Variants in XDH observed in about 807,000 individuals in gnomAD.
XDH encodes xanthine dehydrogenase.
In XDH, 138 loss-of-function variants were observed where a neutral mutation model predicts 156.1. That is an observed-to-expected ratio of 0.88 (90% CI 0.77 to 1.02). The LOEUF (loss-of-function observed/expected upper bound fraction) is 1.02, where lower values mean the gene tolerates loss of function less well. XDH is among the 50% of genes least tolerant of loss of function. The probability of loss-of-function intolerance (pLI) is 0.00; values close to 1 mark genes in which losing one functional copy is unlikely to be tolerated. For missense variants in XDH, 1,849 were observed against 1,684.9 expected (o/e 1.10, Z -1.71); for synonymous variants, 669 against 625.7 (o/e 1.07, Z -1.03).
At chr2:31,356,473 G>A (rs1032709622) in intron 24 of XDH, among the ~76,000 whole-genome samples, 3 of 152,210 alleles carry the variant, frequency 2.0e-5, no homozygotes, top group South Asian at 2.1e-4. Flanking sequence ...TAAGAGAGAA[G>A]TATGTCTAGG....
rs746203843 is a variant in XDH at position 31,336,039 on chromosome 2, A to C, written c.3952-31T>G. ...AAGGAATGATAGTGTTCTCATTGCC[A>C]GGGTCTGCTGATCATGCTCCTCCCA... On this transcript the variant is annotated intron_variant, in intron 35 of 35. Coordinates refer to ENST00000379416, the MANE Select transcript of XDH (RefSeq NM_000379.4). 2.5e-6 allele frequency: 4 copies of C among 1,612,808 alleles called. No homozygotes were observed. In the Admixed American group the frequency reaches 6.7e-5, roughly 27 times the overall value.
In XDH at chr2:31,372,299, G is replaced by T; in HGVS notation, c.1785C>A (p.Asp595Glu). 6.2e-7 allele frequency: 1 copy of T among 1,614,232 alleles called. No homozygotes were observed. Among genetic ancestry groups the T allele is most frequent in the Non-Finnish European group, 8.5e-7 (1 of 1,180,044 alleles). Residue 595 changes from aspartate to glutamate, a missense_variant, in exon 17 of 36, where the codon GAC (aspartate) becomes GAA (glutamate). Transcript: ENST00000379416. Reference sequence around the variant, plus strand: ...GCTCATTCTCGTAGCGAGGAATGTCGTCACAGTACACGGCCTCACCAGAGG... The same window carrying T: ...GCTCATTCTCGTAGCGAGGAATGTCTTCACAGTACACGGCCTCACCAGAGG... The part of the protein sequence containing the change: ...MQASGEAVYC[D>E]DIPRYENELS...
At chr2:31,387,695 G>T in intron 8 of XDH, 116 bp downstream of exon 8, 1 of 1,012,046 alleles carries the variant, frequency 9.9e-7, no homozygotes, top group Non-Finnish European at 1.5e-6. Flanking sequence ...GGAAATTTAA[G>T]CTGAAACATA....
At chr2:31,407,016 C>T (rs1687208338) in intron 1 of XDH, among the ~76,000 whole-genome samples, 1 of 152,196 alleles carries the variant, frequency 6.6e-6, no homozygotes, top group African/African-American at 2.4e-5. Context: ...GATTTCAGTA[C>T]TCTTCACACA....
chr2:31,369,537 A>G (rs1366817), intron 18 of XDH, among the ~76,000 whole-genome samples: 60,964 of 151,898 alleles, frequency 0.4, 12,380 homozygotes, highest in East Asian at 0.57. Flanking sequence ...ATTATCTCTT[A>G]TGGCCCAAAT....
At chr2:31,392,865 C>T (rs1271313390) in intron 6 of XDH, among the ~76,000 whole-genome samples, 1 of 152,072 alleles carries the variant, frequency 6.6e-6, no homozygotes, top group Non-Finnish European at 1.5e-5. Context: ...TAAAATTTCC[C>T]TTGAGATTTT....
intron 1 of XDH, among the ~76,000 whole-genome samples, chr2:31,410,078 C>A (rs1400154669): frequency 6.6e-6 from 1 of 152,136 alleles, no homozygotes; most frequent in Non-Finnish European, 1.5e-5. Context: ...GAATTTTTGA[C>A]ATATGCTACA....
At chr2:31,349,520 C>T (rs1278789128) in intron 26 of XDH, among the ~76,000 whole-genome samples, 166 bp downstream of exon 26, 1 of 152,144 alleles carries the variant, frequency 6.6e-6, no homozygotes, top group Admixed American at 6.5e-5. Flanking sequence ...CTGCCCCGGG[C>T]TGAAGATCAT....
intron 31 of XDH, among the ~76,000 whole-genome samples, chr2:31,343,943 G>A (rs1385628322): frequency 6.6e-6 from 1 of 151,412 alleles, no homozygotes; most frequent in African/African-American, 2.4e-5. Context: ...ATATTTTAAA[G>A]AAACATTGAA....
chr2:31,388,283 A>G lies in XDH; in HGVS notation c.508T>C (p.Cys170Arg). The G allele has an allele frequency of 6.2e-7, 1 of 1,614,188 alleles. No individual in the cohort carries two copies. Among genetic ancestry groups the G allele is most frequent in the Non-Finnish European group, 8.5e-7 (1 of 1,180,022 alleles). ...TTTGGATTATTCCCATCTCCTCCAC[A>G]GCATCCACCATCCTAGAGAGATGAT... ...FRTFARDGGC[C>R]GGDGNNPNCC... Residue 170 changes from cysteine (C) to arginine (R), a missense_variant, in exon 7 of 36, where the codon TGT becomes CGT. Physicochemically the swap from Cys to Arg is radical, Grantham distance 180. Coordinates refer to ENST00000379416, the MANE Select transcript of XDH (RefSeq NM_000379.4).
intron 15 of XDH, among the ~76,000 whole-genome samples, chr2:31,374,501 A>T (rs1686171850): frequency 6.6e-6 from 1 of 152,334 alleles, no homozygotes; most frequent in Non-Finnish European, 1.5e-5. Context: ...TGGGGCAGAC[A>T]AACAGTATGA....
rs45442092 is a variant in XDH, at chr2:31,372,264, C to G, written c.1820G>C (p.Arg607Pro). The change falls in exon 17 of 36, where the codon CGG becomes CCG. Residue 607 changes from arginine to proline, a missense_variant. Coordinates refer to ENST00000379416, the MANE Select transcript of XDH (RefSeq NM_000379.4). ...GTGGGCCCGGGTGCTGGTGACCAGCCGGAGAGACAGCTCATTCTCGTAGCG... is the reference window on the plus strand; with the variant it reads ...GTGGGCCCGGGTGCTGGTGACCAGCGGGAGAGACAGCTCATTCTCGTAGCG... ...IPRYENELSL[R>P]LVTSTRAHAK... 5 of 1,614,242 alleles carry G rather than the reference C, an allele frequency of 3.1e-6. No individual in the cohort carries two copies. The highest frequency in any genetic ancestry group is 3.4e-6 in the Non-Finnish European group (4 of 1,180,042).
chr2:31,338,211 A>G (rs1685020296), intron 34 of XDH, among the ~76,000 whole-genome samples: 1 of 152,246 alleles, frequency 6.6e-6, no homozygotes, highest in African/African-American at 2.4e-5. Context: ...TCTGACACCA[A>G]CATTTACAGG....
chr2:31,337,609 T>A, intron 35 of XDH, 32 bp downstream of exon 35: 1 of 1,613,252 alleles, frequency 6.2e-7, no homozygotes, highest in Non-Finnish European at 8.5e-7. Context: ...TGGCCTCCCC[T>A]GGACTGAGTG....
intron 24 of XDH, among the ~76,000 whole-genome samples, chr2:31,354,632 A>T (rs1685577811): frequency 6.6e-6 from 1 of 152,230 alleles, no homozygotes; most frequent in South Asian, 2.1e-4. Context: ...AAAAGGCAAC[A>T]ACCAAAATAA....
chr2:31,342,377 C>A, intron 31 of XDH, 80 bp from the exon 32 acceptor site: 1 of 1,264,118 alleles, frequency 7.9e-7, no homozygotes, highest in Non-Finnish European at 1.1e-6. Flanking sequence ...GCTTGACCCA[C>A]AACATCTTTA....
intron 13 of XDH, among the ~76,000 whole-genome samples, chr2:31,378,091 AAAGAAAGAAAGAAAGAAAGGAAGG>A: frequency 3.6e-4 from 18 of 49,688 alleles, no homozygotes; most frequent in African/African-American, 1.3e-3. Context: ...AGAAAGAAAG[AAAGAAAGAAAGAAAGAAAGGAAGG>A]AAGGAAGGAA....
chr2:31,412,689 T>C (rs542881212), intron 1 of XDH, among the ~76,000 whole-genome samples: 187 of 152,296 alleles, frequency 1.2e-3, no homozygotes, highest in African/African-American at 4.2e-3. Flanking sequence ...CTTTGCACAA[T>C]TCCTGTAACA....
chr2:31,405,949 C>T lies in XDH; in HGVS notation c.58G>A (p.Ala20Thr), dbSNP rs1263800900. ...VNGRKVVEKN[A>T]DPETTLLAYL... ...GCCAAAAGGGTTGTCTCTGGATCTG[C>T]ATTTTTCTCCACCACCTATTAAAAT... Residue 20 changes from alanine (A) to threonine (T), a missense_variant, in exon 2 of 36, where the codon GCA (alanine) becomes ACA (threonine). Transcript: ENST00000379416. The T allele has an allele frequency of 1.2e-6, 2 of 1,614,054 alleles. No homozygotes were observed. Among genetic ancestry groups the T allele is most frequent in the African/African-American group, 1.3e-5 (1 of 74,934 alleles).
Sources: gnomAD v4.1 joint callset for allele counts (sites outside exome capture counted in the v4.1 genomes callset) on GRCh38, gnomAD v4.1.1 for gene constraint, MANE v1.5 for transcripts, NCBI Gene and HGNC (gene_info 2026-07-23, HGNC 2026-07-21) for gene names.